Variants in COL4A6 observed in about 807,000 individuals in gnomAD.
The protein encoded by COL4A6 is collagen alpha-6(IV) chain.
COL4A6 carries 59 observed loss-of-function variants against 126.7 expected under a neutral mutation model. The observed-to-expected ratio is 0.47, with a 90% CI of 0.38 to 0.58. COL4A6 has a LOEUF of 0.58. Among genes scored for constraint, COL4A6 ranks in the 20% least tolerant of loss-of-function variants. COL4A6 has a pLI of 0.00. For missense variants in COL4A6, 1,285 were observed against 1,337.3 expected, an observed-to-expected ratio of 0.96 and a Z score of 0.61; for synonymous variants, 547 against 496.6, an observed-to-expected ratio of 1.10 and a Z score of -1.35.
chrX:108,321,557 A>T (rs1222859623), intron 2 of COL4A6, among the ~76,000 whole-genome samples: 1 of 111,606 alleles, frequency 9.0e-6, no homozygotes. Flanking sequence ...AATTCTTATA[A>T]CTACTTTTGA....
At chrX:108,332,229 CT>C (rs1388230623) in intron 2 of COL4A6, among the ~76,000 whole-genome samples, 1 of 111,445 alleles carries the variant, frequency 9.0e-6, no homozygotes, top group Admixed American at 9.5e-5. Flanking sequence ...ATATCACATT[CT>C]TTTTATTGAA....
chrX:108,308,044 A>C (rs1014108840), intron 3 of COL4A6, among the ~76,000 whole-genome samples: 1 of 112,103 alleles, frequency 8.9e-6, no homozygotes, highest in African/African-American at 3.2e-5. Flanking sequence ...TTTTAGGAAC[A>C]TATTTGACAG....
At chrX:108,254,654 T>C (rs1423362802) in intron 3 of COL4A6, among the ~76,000 whole-genome samples, 2 of 111,634 alleles carry the variant, frequency 1.8e-5, no homozygotes, top group African/African-American at 6.5e-5. Context: ...CAATTGTACA[T>C]GTTAAATGCA....
At chrX:108,277,270 C>T (rs1171774997) in intron 3 of COL4A6, among the ~76,000 whole-genome samples, 3 of 111,725 alleles carry the variant, frequency 2.7e-5, no homozygotes, top group Non-Finnish European at 5.7e-5. Flanking sequence ...CCTGGAAAAT[C>T]GGGTCACTCC....
chrX:108,177,059 T>C (rs1602733150), intron 27 of COL4A6, 48 bp from the exon 28 acceptor site: 5 of 1,117,630 alleles, frequency 4.5e-6, no homozygotes, highest in African/African-American at 1.8e-5. Context: ...AGTGAGGCTC[T>C]GGCCAGATCT....
intron 40 of COL4A6, 54 bp from the exon 41 acceptor site, chrX:108,163,092 G>C: frequency 8.9e-7 from 1 of 1,123,597 alleles, no homozygotes; most frequent in Non-Finnish European, 1.2e-6. Context: ...GGGAGGTGAC[G>C]GGGGCCCCAG....
At chrX:108,230,773 G>A (rs1259941726) in intron 3 of COL4A6, among the ~76,000 whole-genome samples, 1 of 111,800 alleles carries the variant, frequency 8.9e-6, no homozygotes, top group Non-Finnish European at 1.9e-5. Flanking sequence ...GCTGCACAGT[G>A]GAAGAGTTAC....
intron 3 of COL4A6, among the ~76,000 whole-genome samples, chrX:108,225,325 A>G (rs2036138571): frequency 8.9e-6 from 1 of 112,393 alleles, no homozygotes; most frequent in Non-Finnish European, 1.9e-5. Flanking sequence ...AATCTGAAAC[A>G]CCATCACTGT....
At chrX:108,253,924 C>G (rs1279767631) in intron 3 of COL4A6, among the ~76,000 whole-genome samples, 1 of 111,527 alleles carries the variant, frequency 9.0e-6, no homozygotes, top group Non-Finnish European at 1.9e-5. Flanking sequence ...AATGGGACCT[C>G]TTGGAGAATA....
intron 23 of COL4A6, among the ~76,000 whole-genome samples, chrX:108,183,923 C>T (rs186082129): frequency 8.9e-6 from 1 of 112,028 alleles, no homozygotes; most frequent in East Asian, 2.8e-4. Flanking sequence ...AGATCAAGCA[C>T]ACAGTCACCA....
intron 3 of COL4A6, among the ~76,000 whole-genome samples, chrX:108,245,535 G>A (rs1490376283): frequency 1.8e-5 from 2 of 111,984 alleles, no homozygotes; most frequent in Non-Finnish European, 3.8e-5. Flanking sequence ...AGTGAAAGTG[G>A]TAATCTGCCC....
At chrX:108,279,585 G>A (rs1038110728) in intron 3 of COL4A6, among the ~76,000 whole-genome samples, 3 of 111,283 alleles carry the variant, frequency 2.7e-5, no homozygotes, top group Admixed American at 9.5e-5. Flanking sequence ...ACAGATCAAC[G>A]AGACAGAGAG....
chrX:108,190,488 A>G lies in COL4A6; in HGVS notation c.1330T>C (p.Phe444Leu). Residue 444 changes from phenylalanine to leucine, a missense_variant, in exon 20 of 45, where the codon TTT (phenylalanine) becomes CTT (leucine). By Grantham distance (22) the Phe-to-Leu change is conservative. Coordinates refer to ENST00000334504, the MANE Select transcript of COL4A6 (RefSeq NM_033641.4). Reference protein sequence around the residue: ...PGPPGPPSPEFETETLHNKES... With the variant: ...PGPPGPPSPELETETLHNKES... ...TTGTTGTGTAGAGTTTCAGTCTCAA[A>G]TTCTGGACCTTTGGGTAAAAAAAAG... 1 of 1,181,654 alleles carries G rather than the reference A, an allele frequency of 8.5e-7. No individual in the cohort carries two copies. The highest frequency in any genetic ancestry group is 1.1e-6 in the Non-Finnish European group (1 of 871,140).
At chrX:108,395,974 G>A (rs1313996079) in intron 2 of COL4A6, among the ~76,000 whole-genome samples, 1 of 111,259 alleles carries the variant, frequency 9.0e-6, no homozygotes, top group East Asian at 2.8e-4. Flanking sequence ...ACATTCTACA[G>A]CCAATTTCTT....
intron 3 of COL4A6, among the ~76,000 whole-genome samples, chrX:108,235,293 T>A (rs1298000264): frequency 9.0e-6 from 1 of 111,617 alleles, no homozygotes; most frequent in Non-Finnish European, 1.9e-5. Flanking sequence ...TGGTAAACAA[T>A]GATTTATAAG....
At chrX:108,172,852 A>G (rs2034356060) in intron 31 of COL4A6, among the ~76,000 whole-genome samples, 1 of 112,105 alleles carries the variant, frequency 8.9e-6, no homozygotes, top group African/African-American at 3.3e-5. Context: ...CAGGCACTCA[A>G]TGGACTCAAC....
intron 3 of COL4A6, among the ~76,000 whole-genome samples, chrX:108,227,485 T>C (rs1381436796): frequency 9.6e-6 from 1 of 103,978 alleles, no homozygotes; most frequent in African/African-American, 3.5e-5. Flanking sequence ...ACATGAGATA[T>C]CAATCAACAC....
intron 2 of COL4A6, among the ~76,000 whole-genome samples, chrX:108,408,343 A>C (rs868780869): frequency 1.0e-5 from 1 of 96,366 alleles, no homozygotes; most frequent in African/African-American, 5.0e-5. Context: ...GAGAGAAAGA[A>C]AGAAAGAAAG....
intron 3 of COL4A6, among the ~76,000 whole-genome samples, chrX:108,242,440 C>G (rs766615651): frequency 9.0e-6 from 1 of 111,283 alleles, no homozygotes; most frequent in Non-Finnish European, 1.9e-5. Context: ...AGAGAAACAC[C>G]ACCGCACAAT....
Sources: gnomAD v4.1 joint callset for allele counts (sites outside exome capture counted in the v4.1 genomes callset) on GRCh38, gnomAD v4.1.1 for gene constraint, MANE v1.5 for transcripts, NCBI Gene and HGNC (gene_info 2026-07-23, HGNC 2026-07-21) for gene names.